Variants in HMGXB3 observed in about 807,000 individuals in gnomAD.
HMGXB3 encodes the protein HMG-box containing 3.
In HMGXB3, 45 loss-of-function variants were observed where a neutral mutation model predicts 121.5. The ratio of observed to expected loss-of-function variants is 0.37; its 90% CI spans 0.29 to 0.47. The LOEUF (loss-of-function observed/expected upper bound fraction) is 0.47, where lower values mean the gene tolerates loss of function less well. Ranked by LOEUF, HMGXB3 falls within the 20% of genes least tolerant of loss-of-function variation. HMGXB3 has a pLI of 0.99. For synonymous variants in HMGXB3, 590 were observed against 624.1 expected (o/e 0.95, Z 0.81); for missense variants, 1,376 against 1,602.2 (o/e 0.86, Z 2.41).
At chr5:150,049,390 A>G (rs1251333673) in intron 18 of HMGXB3, among the ~76,000 whole-genome samples, 3 of 147,942 alleles carry the variant, frequency 2.0e-5, no homozygotes, top group Admixed American at 6.8e-5. Context: ...GAGTGGGCCC[A>G]GGTAGATCTT....
At chr5:150,021,433 T>C (rs1193797989) in intron 6 of HMGXB3, 1 of 197,050 alleles carries the variant, frequency 5.1e-6, no homozygotes, top group Non-Finnish European at 1.0e-5. Context: ...AGCTGCAGAA[T>C]GTAAGACAAG....
At chr5:150,037,981 A>G (rs891489834) in intron 13 of HMGXB3, among the ~76,000 whole-genome samples, 2 of 152,210 alleles carry the variant, frequency 1.3e-5, no homozygotes, top group African/African-American at 2.4e-5. Context: ...TTAGGGGTAC[A>G]TTGTGGGCAT....
At chr5:150,046,807 G>A (rs528646832) in intron 16 of HMGXB3, among the ~76,000 whole-genome samples, 125 of 151,706 alleles carry the variant, frequency 8.2e-4, no homozygotes, top group Non-Finnish European at 1.4e-3. Flanking sequence ...GCGAGACTCC[G>A]TCTCAAAATA....
chr5:150,002,408 CTT>C lies in HMGXB3; in HGVS notation c.-3+1230_-3+1231del, dbSNP rs546723579. On this transcript the variant is annotated intron_variant, in intron 1 of 19. Coordinates refer to ENST00000502717, the MANE Select transcript of HMGXB3 (RefSeq NM_014983.3). ...GATCATAAGGTTAGAGTTTAGGTCT[CTT>C]GACTCCACATGCAGTGCTCATTATA... is the stretch of plus-strand genomic sequence containing the variant. Among the ~76,000 whole-genome samples the C allele has an allele frequency of 5.9e-5, 9 of 152,284 alleles. No individual in the cohort carries two copies. The South Asian group carries it at 1.5e-3, about 25-fold the overall frequency.
intron 3 of HMGXB3, 66 bp from the exon 4 acceptor site, chr5:150,010,045 C>T: frequency 6.9e-7 from 1 of 1,447,032 alleles, no homozygotes; most frequent in Non-Finnish European, 9.2e-7. Context: ...ATATCTTTCT[C>T]TCTCCATGTG....
At position 150,041,825 on chromosome 5, in the gene HMGXB3, G is replaced by T. The variant is rs1465823105; in HGVS notation, c.2586G>T (p.Glu862Asp). Residue 862 changes from glutamate (E) to aspartate (D), a missense_variant, in exon 15 of 20, where the codon GAG becomes GAT. This residue lies in a region of HMGXB3 where 1,116 missense variants were observed against 1,369.0 expected (regional missense o/e 0.82). Transcript: ENST00000502717. ...CGGAGGAGCTGAGCCAGCTGCAGGA[G>T]CTGCTGTGCAATGGCTATTGGGCCT... is the stretch of plus-strand genomic sequence containing the variant. ...LTSEELSQLQ[E>D]LLCNGYWAFE... 1.3e-6 allele frequency: 2 copies of T among 1,551,526 alleles called. No individual in the cohort carries two copies. The highest frequency in any genetic ancestry group is 1.7e-6 in the Non-Finnish European group (2 of 1,146,922).
Position 150,010,214 on chromosome 5 carries a change from A to T in HMGXB3, c.416A>T (p.Gln139Leu). ...DYIIIPKSSL[Q>L]EDRSCPQLEL... ...ATCATCATCCCCAAGAGCAGCCTGC[A>T]GGAGGACCGGAGCTGCCCTCAGCTA... The change falls in exon 4 of 20, where the codon CAG becomes CTG. Residue 139 changes from glutamine to leucine, a missense_variant. Physicochemically the swap from Gln to Leu is moderately radical, Grantham distance 113 (BLOSUM62 -2). Coordinates refer to ENST00000502717, the MANE Select transcript of HMGXB3 (RefSeq NM_014983.3). 6.4e-7 allele frequency: 1 copy of T among 1,551,924 alleles called. No individual in the cohort carries two copies. Among genetic ancestry groups the T allele is most frequent in the South Asian group, 1.2e-5 (1 of 84,060 alleles).
At chr5:150,032,708 G>C in intron 11 of HMGXB3, 105 bp downstream of exon 11, 1 of 1,343,026 alleles carries the variant, frequency 7.4e-7, no homozygotes, top group Non-Finnish European at 1.0e-6. Context: ...GTGGTAGTTA[G>C]AGCATCCAAA....
At chr5:150,047,813 C>T in intron 17 of HMGXB3, 56 bp downstream of exon 17, 1 of 1,540,198 alleles carries the variant, frequency 6.5e-7, no homozygotes, top group Non-Finnish European at 8.8e-7. Context: ...CTGATTGGTC[C>T]ACTTTTTAGG....
chr5:150,019,934 A>G (rs973926155), intron 6 of HMGXB3, among the ~76,000 whole-genome samples: 2 of 152,192 alleles, frequency 1.3e-5, no homozygotes, highest in African/African-American at 2.4e-5. Context: ...AGGAGACAGG[A>G]TAATTAAGAA....
chr5:150,050,828 A>AT (rs2113765355), intron 19 of HMGXB3, among the ~76,000 whole-genome samples: 1 of 152,354 alleles, frequency 6.6e-6, no homozygotes, highest in East Asian at 1.9e-4. Flanking sequence ...AGGCCACAGT[A>AT]TATCACTTAG....
At chr5:150,017,271 A>G (rs1240009499) in intron 5 of HMGXB3, among the ~76,000 whole-genome samples, 1 of 152,092 alleles carries the variant, frequency 6.6e-6, no homozygotes, top group Non-Finnish European at 1.5e-5. Flanking sequence ...TTAAATTTTT[A>G]CTCTGCTTTC....
At chr5:150,032,024 A>G (rs1756393508) in intron 10 of HMGXB3, among the ~76,000 whole-genome samples, 1 of 151,732 alleles carries the variant, frequency 6.6e-6, no homozygotes, top group African/African-American at 2.4e-5. Context: ...TGCTGATTAG[A>G]TAGTAACTTG....
Position 150,036,850 on chromosome 5 carries a change from T to A in HMGXB3, c.2198T>A (p.Ile733Asn). The A allele has an allele frequency of 6.4e-7, 1 of 1,551,736 alleles. No homozygotes were observed. Among genetic ancestry groups the A allele is most frequent in the Non-Finnish European group, 8.7e-7 (1 of 1,146,996 alleles). Reference protein sequence around the residue: ...LSNVSEETVTIEQTSWSNYYE... With the variant: ...LSNVSEETVTNEQTSWSNYYE... Reference sequence around the variant, plus strand: ...AACGTGAGTGAGGAGACAGTCACCATCGAGCAAACCTCTTGGTCGAATTAT... The same window carrying A: ...AACGTGAGTGAGGAGACAGTCACCAACGAGCAAACCTCTTGGTCGAATTAT... The change falls in exon 12 of 20, where the codon ATC (isoleucine) becomes AAC (asparagine). Residue 733 changes from isoleucine (I) to asparagine (N), a missense_variant. By Grantham distance (149) the Ile-to-Asn change is moderately radical (BLOSUM62 -3). This residue lies in a region of HMGXB3 where 1,116 missense variants were observed against 1,369.0 expected (regional missense o/e 0.82). Transcript: ENST00000502717.
At chr5:150,022,511 T>G (rs868529870) in intron 6 of HMGXB3, among the ~76,000 whole-genome samples, 1 of 152,148 alleles carries the variant, frequency 6.6e-6, no homozygotes, top group South Asian at 2.1e-4. Flanking sequence ...GTAGGCTGAG[T>G]TAATGAAATG....
Position 150,024,253 on chromosome 5 carries a change from T to C in HMGXB3, c.1042-9T>C. ...CCCTTATGTATACAAGGTATTCTTA[T>C]TTTTCTAGGAAAAGCCAGCCAAAGT... On this transcript the variant is annotated splice_polypyrimidine_tract_variant and intron_variant, in intron 6 of 19. Transcript: ENST00000502717. 1 of 1,513,866 alleles carries C rather than the reference T, an allele frequency of 6.6e-7. No individual in the cohort carries two copies. The highest frequency in any genetic ancestry group is 1.4e-5 in the African/African-American group (1 of 71,154). 93.8% of individuals were successfully genotyped at this position (1,513,866 alleles called of 1,614,324 possible).
At chr5:150,044,870 A>T (rs1423071035) in intron 15 of HMGXB3, among the ~76,000 whole-genome samples, 1 of 152,240 alleles carries the variant, frequency 6.6e-6, no homozygotes, top group Non-Finnish European at 1.5e-5. Flanking sequence ...CTATTAATAG[A>T]TGTCTATAAG....
intron 6 of HMGXB3, among the ~76,000 whole-genome samples, chr5:150,019,272 C>A (rs185309082): frequency 6.6e-6 from 1 of 152,094 alleles, no homozygotes; most frequent in African/African-American, 2.4e-5. Flanking sequence ...GTCATCCCCC[C>A]GTCTGTATAT....
intron 6 of HMGXB3, 71 bp from the exon 7 acceptor site, chr5:150,024,191 A>G: frequency 3.2e-6 from 4 of 1,232,082 alleles, no homozygotes; most frequent in South Asian, 1.6e-5. Flanking sequence ...GTTATTAAAA[A>G]TGAGAGAATG....
Sources: gnomAD v4.1 joint callset for allele counts (sites outside exome capture counted in the v4.1 genomes callset) on GRCh38, gnomAD v4.1.1 for gene constraint, gnomAD v4.1.1 regional missense constraint, MANE v1.5 for transcripts, NCBI Gene and HGNC (gene_info 2026-07-23, HGNC 2026-07-21) for gene names.